The following FBXO34 variants were observed in gnomAD, a reference collection of about 807,000 sequenced individuals.
The protein encoded by FBXO34 is F-box protein 34.
Under a neutral mutation model 24.5 loss-of-function variants are expected in FBXO34, and 12 were observed. The ratio of observed to expected loss-of-function variants is 0.49; its 90% confidence interval spans 0.31 to 0.79. FBXO34 has a LOEUF of 0.79. FBXO34 is among the 30% of genes least tolerant of loss of function. The probability of loss-of-function intolerance (pLI) is 0.04; values close to 1 mark genes in which losing one functional copy is unlikely to be tolerated. For synonymous variants in FBXO34, 320 were observed against 311.9 expected (o/e 1.03, Z -0.27); for missense variants, 823 against 857.7 (o/e 0.96, Z 0.51).
At chr14:55,427,045 C>G in the FBXO34 span, among the ~76,000 whole-genome samples, 1 of 152,154 alleles carries the variant, frequency 6.6e-6, no homozygotes, top group Non-Finnish European at 1.5e-5. Context: ...GTACACTAAG[C>G]CGATTCAGAG....
At chr14:55,395,171 C>G in the FBXO34 span, 1 of 455,718 alleles carries the variant, frequency 2.2e-6, no homozygotes, top group Non-Finnish European at 4.5e-6. Flanking sequence ...ATAAGCGTGC[C>G]GATCTCCTCT....
chr14:55,421,857 A>G, the FBXO34 span, among the ~76,000 whole-genome samples: 1 of 152,244 alleles, frequency 6.6e-6, no homozygotes, highest in Non-Finnish European at 1.5e-5. Context: ...CAGACATGTC[A>G]TTTTGCTGGA....
intron 1 of FBXO34, among the ~76,000 whole-genome samples, chr14:55,330,795 A>G (rs1353670622): frequency 6.6e-6 from 1 of 152,174 alleles, no homozygotes; most frequent in African/African-American, 2.4e-5. Flanking sequence ...GGTTCAATCA[A>G]TCAGTAATTT....
At chr14:55,430,046 A>G in the FBXO34 span, among the ~76,000 whole-genome samples, 5 of 152,204 alleles carry the variant, frequency 3.3e-5, no homozygotes, top group East Asian at 9.7e-4. Context: ...TATGTCCTTT[A>G]AGTGTCTGTC....
intron 1 of FBXO34, among the ~76,000 whole-genome samples, chr14:55,334,274 CAT>C (rs1883696252): frequency 2.0e-5 from 3 of 152,176 alleles, no homozygotes; most frequent in African/African-American, 7.2e-5. Flanking sequence ...TAGTCAGACT[CAT>C]AAACTTCCAG....
chr14:55,367,986 G>A (rs1251600772), exon 3 of FBXO34: 3 of 152,578 alleles, frequency 2.0e-5, no homozygotes, highest in Non-Finnish European at 4.4e-5. Flanking sequence ...GCAAACCTCT[G>A]AATGATTTAT....
the FBXO34 span, among the ~76,000 whole-genome samples, chr14:55,441,371 GT>G: frequency 2.0e-5 from 3 of 151,776 alleles, no homozygotes; most frequent in Non-Finnish European, 4.4e-5. Context: ...ACCTAGGCTG[GT>G]CCTGGACTCT....
At chr14:55,365,753 G>C (rs1043911817), downstream of FBXO34, among the ~76,000 whole-genome samples, 3 of 152,068 alleles carry the variant, frequency 2.0e-5, no homozygotes, top group African/African-American at 7.2e-5. Flanking sequence ...ATTTCCTCCT[G>C]TTGCCTGCCA....
the FBXO34 span, chr14:55,437,007 G>T: frequency 1.2e-6 from 2 of 1,613,846 alleles, no homozygotes; most frequent in East Asian, 2.2e-5. Flanking sequence ...ACCTGGGTGG[G>T]GCAAGGCCAT....
chr14:55,433,706 T>A, the FBXO34 span: 2 of 1,614,026 alleles, frequency 1.2e-6, no homozygotes, highest in African/African-American at 2.7e-5. Flanking sequence ...ATCCTCATTA[T>A]GACAGCAGCA....
chr14:55,396,526 T>C, the FBXO34 span, among the ~76,000 whole-genome samples: 1 of 152,248 alleles, frequency 6.6e-6, no homozygotes, highest in African/African-American at 2.4e-5. Flanking sequence ...CTAGAGAAGC[T>C]TGGGTTACAC....
chr14:55,278,532 C>T (rs559712085), intron 1 of FBXO34, among the ~76,000 whole-genome samples: 38 of 152,230 alleles, frequency 2.5e-4, no homozygotes, highest in Middle Eastern at 3.4e-3. Context: ...GCTCAGCTTC[C>T]GTGGTTTTGG....
downstream of FBXO34, among the ~76,000 whole-genome samples, chr14:55,364,202 G>A (rs1884631488): frequency 6.6e-6 from 1 of 151,976 alleles, no homozygotes; most frequent in Non-Finnish European, 1.5e-5. Flanking sequence ...ACCTGCCTTG[G>A]CCTCCCAAAG....
chr14:55,431,482 C>CA, the FBXO34 span, among the ~76,000 whole-genome samples: 1 of 152,208 alleles, frequency 6.6e-6, no homozygotes, highest in African/African-American at 2.4e-5. Context: ...ATGGCTAATA[C>CA]AATTTTACTT....
chr14:55,284,470 C>T (rs1292949093), intron 1 of FBXO34, among the ~76,000 whole-genome samples: 1 of 148,332 alleles, frequency 6.7e-6, no homozygotes, highest in Non-Finnish European at 1.5e-5. Flanking sequence ...CGAGGTTGTG[C>T]CATTGCACTC....
intron 1 of FBXO34, among the ~76,000 whole-genome samples, chr14:55,332,727 A>G (rs1001832688): frequency 5.9e-5 from 9 of 152,136 alleles, no homozygotes; most frequent in African/African-American, 2.2e-4. Context: ...GTTTATCAGA[A>G]AATGTTGACT....
intron 1 of FBXO34, among the ~76,000 whole-genome samples, chr14:55,306,310 C>T (rs904024684): frequency 3.9e-5 from 6 of 152,136 alleles, no homozygotes; most frequent in Non-Finnish European, 8.8e-5. Flanking sequence ...ACACATTAGC[C>T]TTTATGTTGT....
At chr14:55,356,078 T>C (rs1299768072), downstream of FBXO34, among the ~76,000 whole-genome samples, 1 of 152,208 alleles carries the variant, frequency 6.6e-6, no homozygotes, top group Non-Finnish European at 1.5e-5. Context: ...TCTGAGCCGG[T>C]GGTTATGTTA....
At chr14:55,432,677 A>G in the FBXO34 span, among the ~76,000 whole-genome samples, 1 of 152,266 alleles carries the variant, frequency 6.6e-6, no homozygotes, top group South Asian at 2.1e-4. Flanking sequence ...TATAAAAAGA[A>G]TATCGACACC....
Sources: allele counts gnomAD v4.1 joint callset (sites outside exome capture counted in the v4.1 genomes callset), GRCh38; gene constraint gnomAD v4.1.1; transcripts MANE v1.5; gene names NCBI Gene and HGNC (gene_info 2026-07-23, HGNC 2026-07-21).